The following FER variants were observed in gnomAD, a reference collection of about 807,000 sequenced individuals.
FER encodes tyrosine-protein kinase Fer.
Under a neutral mutation model 111.0 loss-of-function variants are expected in FER, and 63 were observed. That is an observed-to-expected ratio of 0.57 (90% confidence interval 0.46 to 0.70). The LOEUF (loss-of-function observed/expected upper bound fraction) is 0.70, where lower values mean the gene tolerates loss of function less well. FER is among the 30% of genes least tolerant of loss of function. FER has a pLI of 0.00. For synonymous variants in FER, 327 were observed against 313.9 expected, an observed-to-expected ratio of 1.04 and a Z score of -0.44; for missense variants, 914 against 954.0, an observed-to-expected ratio of 0.96 and a Z score of 0.55.
chr5:108,873,959 C>A (rs1415155731), intron 8 of FER, among the ~76,000 whole-genome samples: 2 of 152,088 alleles, frequency 1.3e-5, no homozygotes, highest in Non-Finnish European at 2.9e-5. Flanking sequence ...GTGAGACATT[C>A]CATTTCTCAA....
intron 3 of FER, among the ~76,000 whole-genome samples, chr5:108,825,034 G>A (rs1276505577): frequency 6.6e-6 from 1 of 152,124 alleles, no homozygotes; most frequent in African/African-American, 2.4e-5. Flanking sequence ...CAGACAAAAA[G>A]TACTTAACAG....
chr5:109,188,833 A>AATT lies in FER; in HGVS notation c.*1259_*1261dup, dbSNP rs1278895010. 4 of 152,158 alleles carry AATT rather than the reference A, an allele frequency of 2.6e-5. No individual in the cohort carries two copies. Among genetic ancestry groups the AATT allele is most frequent in the African/African-American group, 9.7e-5 (4 of 41,436 alleles). 9.4% of individuals were successfully genotyped at this position (152,158 alleles called of 1,614,324 possible). A position where few individuals can be genotyped will look rare whatever the true frequency, so the allele number is the denominator to read the frequency against. ...CCTTAGAGGGGGCATTCCAAAATGT[A>AATT]ATTTCCTTTATTTGTACCAGTTTTT... On this transcript the variant is annotated 3_prime_UTR_variant, in exon 20 of 20. Transcript: ENST00000281092.
intron 16 of FER, among the ~76,000 whole-genome samples, chr5:109,071,618 C>G (rs751798643): frequency 1.2e-4 from 18 of 151,754 alleles, no homozygotes; most frequent in Non-Finnish European, 2.5e-4. Context: ...CAGTCTATAA[C>G]AGTATACAGT....
At chr5:109,088,921 G>A (rs1459767934) in intron 16 of FER, among the ~76,000 whole-genome samples, 1 of 152,168 alleles carries the variant, frequency 6.6e-6, no homozygotes, top group Non-Finnish European at 1.5e-5. Context: ...ACTGAGACAT[G>A]TGGTTCATCT....
chr5:108,859,278 C>A (rs962113718), intron 5 of FER, among the ~76,000 whole-genome samples: 1 of 152,078 alleles, frequency 6.6e-6, no homozygotes, highest in Non-Finnish European at 1.5e-5. Flanking sequence ...GTAGAGCAGA[C>A]CTTCTTTTTC....
At chr5:109,138,167 T>G (rs565829364) in intron 17 of FER, among the ~76,000 whole-genome samples, 1 of 152,150 alleles carries the variant, frequency 6.6e-6, no homozygotes, top group Non-Finnish European at 1.5e-5. Flanking sequence ...GAAGAATTAC[T>G]CTCTCCATTC....
intron 2 of FER, among the ~76,000 whole-genome samples, chr5:108,790,068 G>A (rs1755177311): frequency 6.6e-6 from 1 of 152,140 alleles, no homozygotes; most frequent in African/African-American, 2.4e-5. Context: ...GCTTGTGCCT[G>A]TAGTTTCAGC....
At chr5:108,791,568 T>A (rs1490007986) in intron 2 of FER, among the ~76,000 whole-genome samples, 1 of 135,398 alleles carries the variant, frequency 7.4e-6, no homozygotes, top group Non-Finnish European at 1.6e-5. Context: ...TGTATATACA[T>A]ATATATGATA....
intron 18 of FER, among the ~76,000 whole-genome samples, chr5:109,183,831 T>G (rs1236813042): frequency 6.6e-6 from 1 of 152,192 alleles, no homozygotes; most frequent in Non-Finnish European, 1.5e-5. Context: ...GTGTTGTTTT[T>G]GTATATTTGG....
intron 5 of FER, among the ~76,000 whole-genome samples, chr5:108,855,371 G>A (rs1762898305): frequency 6.6e-6 from 1 of 152,080 alleles, no homozygotes; most frequent in African/African-American, 2.4e-5. Context: ...GGTGGCTCAC[G>A]CCTGTAATCC....
At chr5:108,920,520 T>TAGTAA (rs59865587) in intron 10 of FER, among the ~76,000 whole-genome samples, 31,913 of 151,946 alleles carry the variant, frequency 0.21, 3,799 homozygotes, top group African/African-American at 0.34. Context: ...ACAGTCTTCT[T>TAGTAA]AGGGTATTTT....
chr5:108,913,146 G>A (rs1751785387), intron 10 of FER, among the ~76,000 whole-genome samples: 1 of 152,128 alleles, frequency 6.6e-6, no homozygotes, highest in Admixed American at 6.6e-5. Flanking sequence ...TTTCATTTAT[G>A]CTATTATTAT....
chr5:109,014,403 C>A (rs903670304), intron 13 of FER, among the ~76,000 whole-genome samples: 8 of 152,118 alleles, frequency 5.3e-5, no homozygotes, highest in South Asian at 2.1e-4. Flanking sequence ...GATATACGGC[C>A]TTATTTCTGA....
chr5:108,950,748 C>A (rs997901674), intron 11 of FER, among the ~76,000 whole-genome samples: 35 of 151,882 alleles, frequency 2.3e-4, no homozygotes, highest in African/African-American at 7.5e-4. Flanking sequence ...TATATCTGTA[C>A]AAATAAAAAA....
chr5:108,926,859 AT>A (rs556021637), intron 10 of FER, among the ~76,000 whole-genome samples: 2 of 151,126 alleles, frequency 1.3e-5, no homozygotes, highest in African/African-American at 2.4e-5. Flanking sequence ...ATTATTTATG[AT>A]TTTTTTTTCA....
intron 9 of FER, among the ~76,000 whole-genome samples, chr5:108,892,041 A>C (rs904537244): frequency 1.4e-3 from 215 of 152,252 alleles, no homozygotes; most frequent in African/African-American, 5.0e-3. Context: ...TATATGTGCC[A>C]CATTTTCTTA....
chr5:109,109,105 A>G (rs1250749673), intron 17 of FER, among the ~76,000 whole-genome samples: 1 of 152,166 alleles, frequency 6.6e-6, no homozygotes, highest in East Asian at 1.9e-4. Flanking sequence ...CAGCTTCAGC[A>G]TCGTGGCTAA....
At chr5:108,868,015 T>C in intron 6 of FER, 65 bp downstream of exon 6, 1 of 1,466,434 alleles carries the variant, frequency 6.8e-7, no homozygotes, top group South Asian at 1.3e-5. Flanking sequence ...ATTTTCTCTC[T>C]AGTTTAGGTG....
At chr5:109,090,731 G>A (rs1187727264) in intron 16 of FER, among the ~76,000 whole-genome samples, 2 of 152,128 alleles carry the variant, frequency 1.3e-5, no homozygotes, top group African/African-American at 4.8e-5. Flanking sequence ...CAACAGCCTT[G>A]ATTAAGTATA....
Sources: gnomAD v4.1 joint callset for allele counts (sites outside exome capture counted in the v4.1 genomes callset) on GRCh38, gnomAD v4.1.1 for gene constraint, MANE v1.5 for transcripts, NCBI Gene and HGNC (gene_info 2026-07-23, HGNC 2026-07-21) for gene names.